DNAH6: variants seen among roughly 807,000 people sequenced by gnomAD.
DNAH6 encodes the protein dynein axonemal heavy chain 6, also known as axonemal beta dynein heavy chain 6.
A neutral mutation model predicts 491.4 loss-of-function variants in DNAH6; 340 were observed. The observed-to-expected ratio is 0.69, with a 90% CI of 0.63 to 0.76. The LOEUF (loss-of-function observed/expected upper bound fraction) is 0.76, where lower values mean the gene tolerates loss of function less well. Among genes scored for constraint, DNAH6 ranks in the 30% least tolerant of loss-of-function variants. DNAH6 has a pLI of 0.00. For synonymous variants in DNAH6, 1,603 were observed against 1,686.1 expected (o/e 0.95, Z 1.21); for missense variants, 4,443 against 4,972.2 (o/e 0.89, Z 3.20).
intron 16 of DNAH6, among the ~76,000 whole-genome samples, chr2:84,591,805 T>TA (rs1231700545): frequency 6.6e-6 from 1 of 152,024 alleles, no homozygotes; most frequent in African/African-American, 2.4e-5. Flanking sequence ...AAACAACAAA[T>TA]ATGGTCAACG....
At chr2:84,687,524 G>C (rs1694392624) in intron 44 of DNAH6, among the ~76,000 whole-genome samples, 1 of 152,046 alleles carries the variant, frequency 6.6e-6, no homozygotes, top group Admixed American at 6.5e-5. Context: ...ACGTATTTTT[G>C]TAAAGTATAT....
intron 55 of DNAH6, among the ~76,000 whole-genome samples, chr2:84,709,921 C>A (rs181677974): frequency 1.4e-3 from 210 of 152,276 alleles, no homozygotes; most frequent in South Asian, 5.4e-3. Context: ...GCAAGCCTGA[C>A]TGGAATTTAC....
chr2:84,556,922 A>G (rs1248162249), intron 10 of DNAH6, among the ~76,000 whole-genome samples: 2 of 152,226 alleles, frequency 1.3e-5, no homozygotes, highest in Non-Finnish European at 2.9e-5. Flanking sequence ...ATTGTTTAAA[A>G]GCACCAGAAC....
chr2:84,727,772 C>T lies in DNAH6; in HGVS notation c.10076C>T (p.Ser3359Leu). 3 of 1,551,474 alleles carry T rather than the reference C, an allele frequency of 1.9e-6. No homozygotes were observed. The highest frequency in any genetic ancestry group is 2.6e-6 in the Non-Finnish European group (3 of 1,146,704). The change falls in exon 61 of 77, where the codon TCA becomes TTA. Residue 3359 changes from serine to leucine, a missense_variant. This residue lies in a region of DNAH6 where 1,463 missense variants were observed against 1,656.6 expected (regional missense o/e 0.88). Transcript: ENST00000389394. ...QTLLTAYVNV[S>L]RGLFEQHKLI... ...CTCCTAACTGCTTATGTCAATGTTT[C>T]AAGAGGACTTTTTGAGCAACATAAA...
chr2:84,743,473 C>G (rs1672694616), intron 62 of DNAH6, among the ~76,000 whole-genome samples: 1 of 152,140 alleles, frequency 6.6e-6, no homozygotes, highest in South Asian at 2.1e-4. Flanking sequence ...TTGCCTTAAT[C>G]TTTTGTCTTT....
intron 20 of DNAH6, 139 bp downstream of exon 20, chr2:84,605,731 A>G: frequency 5.1e-6 from 3 of 589,494 alleles, no homozygotes; most frequent in Non-Finnish European, 6.0e-6. Context: ...AAGCAAAATG[A>G]ATGCAAATAA....
At chr2:84,711,280 G>A (rs538507983) in intron 56 of DNAH6, among the ~76,000 whole-genome samples, 1 of 152,268 alleles carries the variant, frequency 6.6e-6, no homozygotes, top group South Asian at 2.1e-4. Context: ...CCCAGCAAAG[G>A]GAACAGCACA....
chr2:84,498,462 C>T, the DNAH6 span, among the ~76,000 whole-genome samples: 1 of 151,352 alleles, frequency 6.6e-6, no homozygotes, highest in African/African-American at 2.4e-5. Flanking sequence ...AATTCTAAAT[C>T]TAAAGCTTTT....
the DNAH6 span, among the ~76,000 whole-genome samples, chr2:84,473,699 A>G: frequency 2.6e-5 from 4 of 152,224 alleles, no homozygotes; most frequent in Non-Finnish European, 5.9e-5. Context: ...AGGTTTCTAA[A>G]TTATCTCTTT....
At chr2:84,588,764 A>G in intron 15 of DNAH6, 62 bp from the exon 16 acceptor site, 1 of 1,327,346 alleles carries the variant, frequency 7.5e-7, no homozygotes, top group Non-Finnish European at 1.0e-6. Flanking sequence ...TAATTCATTT[A>G]ATTTAATTGG....
At position 84,701,861 on chromosome 2, in the gene DNAH6, C is replaced by T. The variant is rs559638779; in HGVS notation, c.8061+522C>T. Among the ~76,000 whole-genome samples the T allele has an allele frequency of 2.6e-5, 4 of 152,216 alleles. No homozygotes were observed. The South Asian group carries it at 8.3e-4, about 32-fold the overall frequency. ...GACACAGATCCAAACCATATCAGGC[C>T]CTCTCCATCATGACATGTGCCCCTG... On this transcript the variant is annotated intron_variant, in intron 49 of 76. Coordinates refer to ENST00000389394, the MANE Select transcript of DNAH6 (RefSeq NM_001370.2).
At chr2:84,642,606 CT>C (rs544193845) in intron 33 of DNAH6, among the ~76,000 whole-genome samples, 2 of 151,840 alleles carry the variant, frequency 1.3e-5, no homozygotes, top group Non-Finnish European at 1.5e-5. Flanking sequence ...ATTTCTTTTT[CT>C]TTTTTTTCCT....
intron 30 of DNAH6, 63 bp downstream of exon 30, chr2:84,634,704 A>G (rs536285752): frequency 1.1e-5 from 15 of 1,411,766 alleles, no homozygotes; most frequent in Admixed American, 3.1e-5. Flanking sequence ...AACTCACAGA[A>G]TGTTACATTT....
intron 5 of DNAH6, among the ~76,000 whole-genome samples, 166 bp from the exon 6 acceptor site, chr2:84,547,102 A>G (rs1678862052): frequency 6.6e-6 from 1 of 152,236 alleles, no homozygotes; most frequent in Admixed American, 6.5e-5. Context: ...ACTTTTAGAA[A>G]AGAGTTATAA....
intron 21 of DNAH6, among the ~76,000 whole-genome samples, chr2:84,608,485 A>G (rs1172830440): frequency 6.6e-6 from 1 of 152,208 alleles, no homozygotes; most frequent in Non-Finnish European, 1.5e-5. Context: ...GCATGAAAGC[A>G]ACATTAAACT....
At chr2:84,624,702 A>T in intron 28 of DNAH6, 82 bp downstream of exon 28, 6 of 1,422,220 alleles carry the variant, frequency 4.2e-6, no homozygotes, top group Non-Finnish European at 5.7e-6. Context: ...TATGACATTA[A>T]CTCTTGAAAG....
chr2:84,806,474 C>T (rs1419804026), intron 71 of DNAH6, among the ~76,000 whole-genome samples: 3 of 151,946 alleles, frequency 2.0e-5, no homozygotes. Context: ...AAAAAATTAG[C>T]CGGGCGTGGT....
intron 44 of DNAH6, 119 bp downstream of exon 44, chr2:84,686,676 A>C: frequency 3.2e-6 from 2 of 620,244 alleles, no homozygotes; most frequent in Non-Finnish European, 2.7e-6. Context: ...TCTAGGCCAG[A>C]TGTCAGCAAA....
At chr2:84,649,295 T>C (rs1256628978) in intron 33 of DNAH6, among the ~76,000 whole-genome samples, 1 of 152,168 alleles carries the variant, frequency 6.6e-6, no homozygotes, top group Non-Finnish European at 1.5e-5. Context: ...GATGCTTATA[T>C]ATAAATATAC....
Sources: allele counts gnomAD v4.1 joint callset (sites outside exome capture counted in the v4.1 genomes callset), GRCh38; gene constraint gnomAD v4.1.1; regional missense constraint gnomAD v4.1.1; transcripts MANE v1.5; gene names NCBI Gene and HGNC (gene_info 2026-07-23, HGNC 2026-07-21).